The following NAALADL2 variants were observed in gnomAD, a reference collection of about 807,000 sequenced individuals.
NAALADL2 encodes N-acetylated alpha-linked acidic dipeptidase like 2.
A neutral mutation model predicts 87.2 loss-of-function variants in NAALADL2; 76 were observed. The observed-to-expected ratio is 0.87, with a 90% confidence interval of 0.72 to 1.05. The LOEUF is 1.05. Among genes scored for constraint, NAALADL2 ranks in the 50% least tolerant of loss-of-function variants. The pLI is 0.00. For synonymous variants in NAALADL2, 354 were observed against 331.0 expected (o/e 1.07, Z -0.75); for missense variants, 1,089 against 945.8 (o/e 1.15, Z -1.99).
intron 2 of NAALADL2, among the ~76,000 whole-genome samples, chr3:174,589,334 C>A (rs529284437): frequency 1.3e-5 from 2 of 152,202 alleles, no homozygotes; most frequent in Non-Finnish European, 2.9e-5. Flanking sequence ...CCGGCTGAGG[C>A]GATGCCCTGC....
intron 11 of NAALADL2, among the ~76,000 whole-genome samples, chr3:175,692,740 A>G (rs568475667): frequency 1.3e-5 from 2 of 152,278 alleles, no homozygotes; most frequent in African/African-American, 4.8e-5. Flanking sequence ...TAAAAGTGAA[A>G]ATAAGTTCTC....
At chr3:175,307,804 G>A (rs961600632) in intron 4 of NAALADL2, among the ~76,000 whole-genome samples, 1 of 152,230 alleles carries the variant, frequency 6.6e-6, no homozygotes, top group East Asian at 1.9e-4. Flanking sequence ...TAAAGAGTGA[G>A]TAATATGTCT....
intron 2 of NAALADL2, among the ~76,000 whole-genome samples, chr3:175,222,221 T>G (rs1743495029): frequency 2.6e-5 from 4 of 152,162 alleles, no homozygotes; most frequent in Admixed American, 2.6e-4. Context: ...TGTATTTCCT[T>G]AGATGTAGTA....
chr3:174,847,657 G>C (rs1724781609), intron 3 of NAALADL2, among the ~76,000 whole-genome samples: 1 of 152,002 alleles, frequency 6.6e-6, no homozygotes, highest in Non-Finnish European at 1.5e-5. Flanking sequence ...TATCTCATTT[G>C]ATTCCTTCAA....
intron 9 of NAALADL2, among the ~76,000 whole-genome samples, chr3:175,507,806 C>G (rs1158914548): frequency 4.5e-4 from 68 of 152,250 alleles, no homozygotes; most frequent in South Asian, 2.1e-4. Flanking sequence ...AAATATTTCC[C>G]CTCCGCACTC....
rs773539218 is a variant in NAALADL2, at chr3:175,467,061, C to G, written c.1410C>G (p.Ile470Met). 3.1e-6 allele frequency: 5 copies of G among 1,613,764 alleles called. No homozygotes were observed. The highest frequency in any genetic ancestry group is 4.2e-6 in the Non-Finnish European group (5 of 1,179,754). ...AATGGGCCAGTAGTACTGCAATAAT[C>G]ACAGCGTTTATCCGTGCCTTGATGT... ...GQEWASSTAI[I>M]TAFIRALMSK... is the part of the protein sequence containing the mutation. Residue 470 changes from isoleucine (I) to methionine (M), a missense_variant, in exon 8 of 14, where the codon ATC (isoleucine) becomes ATG (methionine). Coordinates refer to ENST00000454872, the MANE Select transcript of NAALADL2 (RefSeq NM_207015.3).
intron 9 of NAALADL2, among the ~76,000 whole-genome samples, chr3:175,527,854 T>C (rs1582262041): frequency 6.6e-6 from 1 of 152,214 alleles, no homozygotes; most frequent in East Asian, 1.9e-4. Flanking sequence ...AAAATAGTTA[T>C]ACACAGGTTA....
At chr3:175,802,451 CAT>C (rs1421853311) in intron 13 of NAALADL2, among the ~76,000 whole-genome samples, 1 of 151,786 alleles carries the variant, frequency 6.6e-6, no homozygotes, top group Non-Finnish European at 1.5e-5. Context: ...TACAGAAAAA[CAT>C]CCTACAATAC....
chr3:175,056,853 T>G (rs1212418513), intron 1 of NAALADL2, among the ~76,000 whole-genome samples: 2 of 152,208 alleles, frequency 1.3e-5, no homozygotes, highest in Non-Finnish European at 2.9e-5. Context: ...TAAGCAGTTT[T>G]CCACCCTGGG....
intron 1 of NAALADL2, among the ~76,000 whole-genome samples, chr3:174,454,267 A>T (rs548767599): frequency 1.3e-5 from 2 of 152,250 alleles, no homozygotes; most frequent in East Asian, 3.9e-4. Context: ...ACCTTCAGAG[A>T]CTTAGACTCC....
At chr3:175,200,366 C>CT (rs892881284) in intron 2 of NAALADL2, among the ~76,000 whole-genome samples, 2 of 151,886 alleles carry the variant, frequency 1.3e-5, no homozygotes, top group Non-Finnish European at 2.9e-5. Flanking sequence ...CTCTCTCTCT[C>CT]TTTTTTTCTT....
intron 1 of NAALADL2, among the ~76,000 whole-genome samples, chr3:174,925,162 T>A (rs1251912360): frequency 6.6e-6 from 1 of 152,194 alleles, no homozygotes; most frequent in African/African-American, 2.4e-5. Context: ...ATGTTATGAA[T>A]GGTGTTGCCT....
chr3:175,544,362 C>T (rs1712919598), intron 9 of NAALADL2, among the ~76,000 whole-genome samples: 1 of 152,040 alleles, frequency 6.6e-6, no homozygotes, highest in Non-Finnish European at 1.5e-5. Flanking sequence ...TACCTTCCTG[C>T]AAGAATTTTC....
At chr3:174,806,899 C>A (rs556539006) in intron 3 of NAALADL2, among the ~76,000 whole-genome samples, 1 of 151,940 alleles carries the variant, frequency 6.6e-6, no homozygotes, top group Non-Finnish European at 1.5e-5. Context: ...ATTATTAGGT[C>A]CTTATAGCCA....
At chr3:175,424,073 A>C (rs1716350264) in intron 5 of NAALADL2, among the ~76,000 whole-genome samples, 2 of 152,146 alleles carry the variant, frequency 1.3e-5, no homozygotes, top group African/African-American at 2.4e-5. Flanking sequence ...TCTTTTGAGA[A>C]GTGTCTGTTC....
chr3:175,249,446 C>T (rs909694980), intron 3 of NAALADL2, among the ~76,000 whole-genome samples: 5 of 151,908 alleles, frequency 3.3e-5, no homozygotes, highest in African/African-American at 1.2e-4. Context: ...TTTACTCTAC[C>T]TGTTTTTTAA....
At chr3:175,541,500 T>C (rs1712330741) in intron 9 of NAALADL2, among the ~76,000 whole-genome samples, 1 of 152,232 alleles carries the variant, frequency 6.6e-6, no homozygotes, top group African/African-American at 2.4e-5. Flanking sequence ...TATTGAATAC[T>C]GTGCTGAAAG....
chr3:175,792,049 G>A (rs1752853757), intron 13 of NAALADL2, among the ~76,000 whole-genome samples: 1 of 152,000 alleles, frequency 6.6e-6, no homozygotes, highest in Admixed American at 6.6e-5. Flanking sequence ...ACTTTGAAAT[G>A]AGATGATTTT....
At chr3:174,684,060 A>G (rs1727807797) in intron 2 of NAALADL2, among the ~76,000 whole-genome samples, 3 of 152,060 alleles carry the variant, frequency 2.0e-5, no homozygotes, top group South Asian at 2.1e-4. Context: ...ATTACTTACT[A>G]AAAGAAGTTT....
Sources: allele counts gnomAD v4.1 joint callset (sites outside exome capture counted in the v4.1 genomes callset), GRCh38; gene constraint gnomAD v4.1.1; transcripts MANE v1.5; gene names NCBI Gene and HGNC (gene_info 2026-07-23, HGNC 2026-07-21).